The following MYO18A variants were observed in gnomAD, a reference collection of about 807,000 sequenced individuals.
MYO18A encodes unconventional myosin-XVIIIa.
A neutral mutation model predicts 235.8 loss-of-function variants in MYO18A; 78 were observed. That is an observed-to-expected ratio of 0.33 (90% CI 0.28 to 0.40). The LOEUF is 0.40. Ranked by LOEUF, MYO18A falls within the 10% of genes least tolerant of loss-of-function variation. The probability of loss-of-function intolerance (pLI) is 1.00; values close to 1 mark genes in which losing one functional copy is unlikely to be tolerated. For synonymous variants in MYO18A, 977 were observed against 1,077.8 expected, an observed-to-expected ratio of 0.91 and a Z score of 1.83; for missense variants, 2,215 against 2,699.3, an observed-to-expected ratio of 0.82 and a Z score of 3.98.
At chr17:29,081,005 T>C in intron 41 of MYO18A, 5 of 985,268 alleles carry the variant, frequency 5.1e-6, no homozygotes, top group Non-Finnish European at 6.0e-6. Flanking sequence ...GAGAGGCTGT[T>C]GAGGGCCGTT....
chr17:29,113,371 G>A (rs991401334), intron 15 of MYO18A, among the ~76,000 whole-genome samples: 3 of 152,154 alleles, frequency 2.0e-5, no homozygotes, highest in Admixed American at 6.5e-5. Context: ...GCGGACAATC[G>A]CCAAATGCCA....
intron 23 of MYO18A, among the ~76,000 whole-genome samples, 190 bp from the exon 24 acceptor site, chr17:29,098,635 A>T (rs1207927296): frequency 6.6e-6 from 1 of 152,176 alleles, no homozygotes; most frequent in African/African-American, 2.4e-5. Flanking sequence ...TAAGCTAGGG[A>T]TGCCCAAGAT....
At position 29,111,719 on chromosome 17, in the gene MYO18A, T is replaced by A. The variant is rs1252098823; in HGVS notation, c.2740+3A>T. ...GGAGCTACCCTCTAGGGATGCCACCTACCTTTTTTGTCACCTTCCTGGGGG... is the reference window on the plus strand; with the variant it reads ...GGAGCTACCCTCTAGGGATGCCACCAACCTTTTTTGTCACCTTCCTGGGGG... On this transcript the variant is annotated splice_donor_region_variant and intron_variant, in intron 16 of 41. Coordinates refer to ENST00000527372, the MANE Select transcript of MYO18A (RefSeq NM_078471.4). This position sits in a 1 kb window ranked among gnomAD's most constrained non-coding sequence, Gnocchi z 5.1. The A allele has an allele frequency of 6.2e-7, 1 of 1,613,460 alleles. No homozygotes were observed. Among genetic ancestry groups the A allele is most frequent in the Admixed American group, 1.7e-5 (1 of 60,006 alleles).
chr17:29,115,683 A>G lies in MYO18A; in HGVS notation c.2208T>C (p.Ser736=). 1 of 1,603,524 alleles carries G rather than the reference A, an allele frequency of 6.2e-7. No individual in the cohort carries two copies. Among genetic ancestry groups the G allele is most frequent in the Non-Finnish European group, 8.5e-7 (1 of 1,175,828 alleles). ...GGGTACCTGTCCCATCTCCCAGGCC[A>G]CTCTCCTCGGGGCCCTGGCGGAAGG... is the stretch of plus-strand genomic sequence containing the variant. ...STSFRQGPEE[S]GLGDGTGPKL... The change falls in exon 12 of 42, where the codon AGT becomes AGC. Residue 736 remains serine (S), a synonymous_variant. Transcript: ENST00000527372.
chr17:29,097,816 G>T lies in MYO18A; in HGVS notation c.4074C>A (p.Ile1358=). ...CATCATCATCATCCACTTCCCCGTTGATCTCCGCTGCCCGGATGAGACGGG... is the reference window on the plus strand; with the variant it reads ...CATCATCATCATCCACTTCCCCGTTTATCTCCGCTGCCCGGATGAGACGGG... ...MEARLIRAAE[I]NGEVDDDDAG... Residue 1358 remains isoleucine, a synonymous_variant, in exon 26 of 42, where the codon ATC becomes ATA. Transcript: ENST00000527372. 1 of 1,613,518 alleles carries T rather than the reference G, an allele frequency of 6.2e-7. No homozygotes were observed. The highest frequency in any genetic ancestry group is 1.7e-5 in the Admixed American group (1 of 59,918).
chr17:29,127,933 C>G, intron 2 of MYO18A: 1 of 999,916 alleles, frequency 1.0e-6, no homozygotes, highest in Non-Finnish European at 1.2e-6. Context: ...AGCCTGGGGT[C>G]ACCAGCTCTT....
intron 20 of MYO18A, 135 bp from the exon 21 acceptor site, chr17:29,103,799 G>A (rs1231543168): frequency 3.9e-6 from 3 of 764,636 alleles, no homozygotes; most frequent in African/African-American, 1.7e-5. Flanking sequence ...GGCTTCCTCA[G>A]TGTCAGGCAC....
chr17:29,122,041 C>T (rs877492), intron 3 of MYO18A, 84 bp from the exon 4 acceptor site: 20 of 1,513,034 alleles, frequency 1.3e-5, no homozygotes, highest in South Asian at 9.1e-5. Flanking sequence ...TATCCTCCCC[C>T]CCACTGCATC....
chr17:29,115,717 C>G lies in MYO18A; in HGVS notation c.2174G>C (p.Arg725Pro). 1 of 1,605,474 alleles carries G rather than the reference C, an allele frequency of 6.2e-7. No individual in the cohort carries two copies. The highest frequency in any genetic ancestry group is 8.5e-7 in the Non-Finnish European group (1 of 1,176,436). Residue 725 changes from arginine to proline, a missense_variant, in exon 12 of 42, where the codon CGC becomes CCC. Arg to Pro is a moderately radical substitution (Grantham distance 103). Transcript: ENST00000527372. ...GGGGCCCTGGCGGAAGGAGGTGGAGCGCTGCAGGGTGCCACCCTTGTGCTG... is the reference window on the plus strand; with the variant it reads ...GGGGCCCTGGCGGAAGGAGGTGGAGGGCTGCAGGGTGCCACCCTTGTGCTG... Reference protein sequence around the residue: ...KHQHKGGTLQRSTSFRQGPEE... With the variant: ...KHQHKGGTLQPSTSFRQGPEE...
At chr17:29,085,982 C>T (rs1228455163) in intron 39 of MYO18A, among the ~76,000 whole-genome samples, 1 of 152,232 alleles carries the variant, frequency 6.6e-6, no homozygotes, top group South Asian at 2.1e-4. Context: ...CTGGTGCTAC[C>T]CCGCACTGCT....
In MYO18A at chr17:29,110,084, G is replaced by A; in HGVS notation, c.3105C>T (p.Thr1035=). ...CAAAATGCAGCTTTGACTTCTTGAT[G>A]GTGTCGATGAGGGCGTCCTGCCGAG... ...MKLQVDALID[T]IKKSKLHFVH... The change falls in exon 19 of 42, where the codon ACC becomes ACT. Residue 1035 remains threonine, a synonymous_variant. Transcript: ENST00000527372. 6.2e-7 allele frequency: 1 copy of A among 1,611,498 alleles called. No individual in the cohort carries two copies. Among genetic ancestry groups the A allele is most frequent in the Non-Finnish European group, 8.5e-7 (1 of 1,179,694 alleles).
At chr17:29,124,602 G>A in intron 2 of MYO18A, 3 of 1,228,794 alleles carry the variant, frequency 2.4e-6, no homozygotes, top group South Asian at 2.7e-5. Context: ...GTGGGGCTAG[G>A]TGGTCACTGG....
chr17:29,162,389 C>T (rs1019425710), intron 2 of MYO18A, among the ~76,000 whole-genome samples: 13 of 152,196 alleles, frequency 8.5e-5, no homozygotes, highest in Admixed American at 2.0e-4. Flanking sequence ...TCCCACACAC[C>T]GTCTCCCAGC....
Position 29,099,946 on chromosome 17 carries a change from A to G in MYO18A, c.3508-184T>C, listed in dbSNP as rs1056963956. ...GCAGGAAGAGGCCCTGGGAAGGTTG[A>G]GGGAGAAGGGGCTGGGGAGGTTTTG... On this transcript the variant is annotated intron_variant, in intron 21 of 41. Coordinates refer to ENST00000527372, the MANE Select transcript of MYO18A (RefSeq NM_078471.4). Among the ~76,000 whole-genome samples, 12 of 151,594 alleles carry G rather than the reference A, an allele frequency of 7.9e-5. No individual in the cohort carries two copies. In the South Asian group the frequency reaches 2.5e-3, roughly 32 times the overall value.
At chr17:29,091,229 C>G (rs2066391312) in intron 34 of MYO18A, 2 of 366,964 alleles carry the variant, frequency 5.5e-6, no homozygotes, top group East Asian at 1.2e-4. Flanking sequence ...AACAAATGAC[C>G]CATCATCCTG....
At chr17:29,159,187 CA>C (rs1340846640) in intron 2 of MYO18A, among the ~76,000 whole-genome samples, 2 of 152,126 alleles carry the variant, frequency 1.3e-5, no homozygotes, top group Non-Finnish European at 2.9e-5. Flanking sequence ...CCTCCAAGGA[CA>C]GAGAAGGGAG....
chr17:29,097,971 G>A (rs1391906681), intron 25 of MYO18A, 72 bp from the exon 26 acceptor site: 1 of 1,572,702 alleles, frequency 6.4e-7, no homozygotes, highest in Admixed American at 1.7e-5. Flanking sequence ...CACAGACCAT[G>A]ATCACATGCT....
intron 2 of MYO18A, among the ~76,000 whole-genome samples, chr17:29,157,731 C>T (rs1415265093): frequency 1.3e-5 from 2 of 152,160 alleles, no homozygotes; most frequent in African/African-American, 4.8e-5. Context: ...GTGATCCTCA[C>T]CTTGCCAGAA....
At chr17:29,142,167 C>T (rs938314393) in intron 2 of MYO18A, among the ~76,000 whole-genome samples, 5 of 152,194 alleles carry the variant, frequency 3.3e-5, no homozygotes, top group Non-Finnish European at 5.9e-5. Context: ...CTCCTGACCT[C>T]GTGATCCGCC....
Sources: allele counts gnomAD v4.1 joint callset (sites outside exome capture counted in the v4.1 genomes callset), GRCh38; gene constraint gnomAD v4.1.1; non-coding constraint Gnocchi (gnomAD v3.1); transcripts MANE v1.5; gene names NCBI Gene and HGNC (gene_info 2026-07-23, HGNC 2026-07-21).